The following EYA1 variants were observed in gnomAD, a reference collection of about 807,000 sequenced individuals.
EYA1 encodes EYA transcriptional coactivator and phosphatase 1, also known as protein phosphatase EYA1.
In EYA1, 16 loss-of-function variants were observed where a neutral mutation model predicts 82.0. That is an observed-to-expected ratio of 0.20 (90% CI 0.13 to 0.30). EYA1 has a LOEUF of 0.30. Ranked by LOEUF, EYA1 falls within the 10% of genes least tolerant of loss-of-function variation. EYA1 has a pLI of 1.00. For synonymous variants in EYA1, 261 were observed against 264.4 expected (o/e 0.99, Z 0.12); for missense variants, 633 against 730.7 (o/e 0.87, Z 1.54).
chr8:71,296,273 C>T (rs770948015), intron 9 of EYA1, among the ~76,000 whole-genome samples: 5 of 151,928 alleles, frequency 3.3e-5, no homozygotes, highest in Non-Finnish European at 7.4e-5. Flanking sequence ...AATTTTTGAA[C>T]TCAAAATTCA....
chr8:71,268,996 A>G lies in EYA1; in HGVS notation c.1050+744T>C, dbSNP rs372316250. On this transcript the variant is annotated intron_variant, in intron 11 of 17. Transcript: ENST00000340726. ...TTCTTTACAGATGAAAACAAGAGAA[A>G]TGAAATATTAGCAGGATAACTTGAG... is the stretch of plus-strand genomic sequence containing the variant. Among the ~76,000 whole-genome samples the G allele has an allele frequency of 1.1e-4, 17 of 152,332 alleles. No homozygotes were observed. In the East Asian group the frequency reaches 2.3e-3, roughly 21 times the overall value.
intron 9 of EYA1, among the ~76,000 whole-genome samples, chr8:71,279,874 C>A (rs960273127): frequency 6.6e-6 from 1 of 152,112 alleles, no homozygotes; most frequent in Non-Finnish European, 1.5e-5. Context: ...AGTTCCTATA[C>A]CCTAGAGCAA....
In EYA1 at chr8:71,326,437, T is replaced by TTGTGG. The variant is rs1245240012; in HGVS notation, c.203-4170_203-4169insCCACA. ...CTTCTCATTTATCACTCTGTTCCAG[T>TTGTGG]CACCAATGTTGTGGCAAACAGAAGA... On this transcript the variant is annotated intron_variant, in intron 4 of 17. Coordinates refer to ENST00000340726, the MANE Select transcript of EYA1 (RefSeq NM_000503.6). Among the ~76,000 whole-genome samples the TTGTGG allele has an allele frequency of 5.5e-3, 830 of 152,234 alleles. 9 individuals carry two copies. Among genetic ancestry groups the TTGTGG allele is most frequent in the African/African-American group, 0.017 (723 of 41,530 alleles).
intron 1 of EYA1, among the ~76,000 whole-genome samples, chr8:71,542,300 C>T (rs1293406567): frequency 2.0e-5 from 3 of 152,092 alleles, no homozygotes; most frequent in Non-Finnish European, 4.4e-5. Context: ...CACCCACTTA[C>T]AAGTGAGAAC....
intron 11 of EYA1, among the ~76,000 whole-genome samples, chr8:71,259,517 C>T (rs1057247473): frequency 1.3e-5 from 2 of 152,158 alleles, no homozygotes; most frequent in Non-Finnish European, 2.9e-5. Flanking sequence ...TAGAGTTATG[C>T]GTTGAACTAA....
At chr8:71,536,792 T>C (rs1473630196) in intron 1 of EYA1, among the ~76,000 whole-genome samples, 1 of 152,210 alleles carries the variant, frequency 6.6e-6, no homozygotes, top group Non-Finnish European at 1.5e-5. Context: ...AGTACTTGAA[T>C]TTCTACATGC....
intron 9 of EYA1, among the ~76,000 whole-genome samples, chr8:71,274,379 C>T (rs751456451): frequency 1.2e-4 from 19 of 152,178 alleles, no homozygotes; most frequent in Non-Finnish European, 2.2e-4. Context: ...CCTTCCTCCT[C>T]CTAGTGCAAA....
chr8:71,458,384 T>C (rs1208791665), intron 2 of EYA1, among the ~76,000 whole-genome samples: 2 of 152,168 alleles, frequency 1.3e-5, no homozygotes, highest in East Asian at 1.9e-4. Context: ...TGTGTGTATG[T>C]AGATTTTTTT....
chr8:71,318,155 C>T (rs1329328044), intron 6 of EYA1, among the ~76,000 whole-genome samples: 2 of 152,112 alleles, frequency 1.3e-5, no homozygotes, highest in Non-Finnish European at 2.9e-5. Context: ...ATTTTTCCCT[C>T]CTTTACTCTT....
At chr8:71,278,330 T>C (rs1467451329) in intron 9 of EYA1, among the ~76,000 whole-genome samples, 2 of 152,194 alleles carry the variant, frequency 1.3e-5, no homozygotes, top group African/African-American at 2.4e-5. Context: ...AAATTACCTA[T>C]GTGGTTTTAT....
At chr8:71,292,012 A>G (rs772970408) in intron 9 of EYA1, among the ~76,000 whole-genome samples, 1 of 152,156 alleles carries the variant, frequency 6.6e-6, no homozygotes, top group Non-Finnish European at 1.5e-5. Flanking sequence ...TGGATTATAG[A>G]TGATTGTTTA....
intron 12 of EYA1, chr8:71,225,418 A>G: frequency 2.5e-6 from 1 of 398,414 alleles, no homozygotes; most frequent in Non-Finnish European, 5.1e-6. Context: ...CCTGGCCTTC[A>G]CACCATGATG....
At chr8:71,326,550 C>A (rs554158552) in intron 4 of EYA1, among the ~76,000 whole-genome samples, 1 of 152,116 alleles carries the variant, frequency 6.6e-6, no homozygotes, top group South Asian at 2.1e-4. Flanking sequence ...CCATGCAGGG[C>A]GGGGGTGAGG....
intron 2 of EYA1, among the ~76,000 whole-genome samples, chr8:71,454,233 T>C (rs921365030): frequency 1.3e-5 from 2 of 152,180 alleles, no homozygotes; most frequent in Non-Finnish European, 2.9e-5. Flanking sequence ...ATGCTAAATA[T>C]ATATGCACTC....
intron 2 of EYA1, among the ~76,000 whole-genome samples, chr8:71,504,734 CA>C (rs1304491884): frequency 2.6e-5 from 4 of 152,122 alleles, no homozygotes; most frequent in African/African-American, 4.8e-5. Context: ...AAAAAAAAAT[CA>C]TCCTGTAATT....
rs188417775 is a variant in EYA1, at chr8:71,270,271, A to G, written c.967-448T>C. On this transcript the variant is annotated intron_variant, in intron 10 of 17. Coordinates refer to ENST00000340726, the MANE Select transcript of EYA1 (RefSeq NM_000503.6). ...ATGTTTTACTCTTAGGAAGCCAAGTATTAAAATTGCATCCAAAGACTAAAA... is the reference window on the plus strand; with the variant it reads ...ATGTTTTACTCTTAGGAAGCCAAGTGTTAAAATTGCATCCAAAGACTAAAA... 124 of 162,750 alleles carry G rather than the reference A, an allele frequency of 7.6e-4. No homozygotes were observed. In the East Asian group the frequency reaches 0.017, roughly 22 times the overall value. 10.1% of individuals were successfully genotyped at this position (162,750 alleles called of 1,614,324 possible).
At chr8:71,510,515 G>A (rs1264401741) in intron 2 of EYA1, among the ~76,000 whole-genome samples, 1 of 152,224 alleles carries the variant, frequency 6.6e-6, no homozygotes, top group Non-Finnish European at 1.5e-5. Flanking sequence ...AATCATGGCA[G>A]AAGGTACCTC....
At chr8:71,514,286 T>A (rs992723293) in intron 2 of EYA1, among the ~76,000 whole-genome samples, 1 of 152,122 alleles carries the variant, frequency 6.6e-6, no homozygotes, top group African/African-American at 2.4e-5. Flanking sequence ...CAGTTTCCTG[T>A]AGTTCAGGAA....
At chr8:71,523,490 A>G in intron 2 of EYA1, among the ~76,000 whole-genome samples, 1 of 152,110 alleles carries the variant, frequency 6.6e-6, no homozygotes, top group African/African-American at 2.4e-5. Flanking sequence ...AAATCTATTC[A>G]GCTCTTATTG....
Sources: gnomAD v4.1 joint callset for allele counts (sites outside exome capture counted in the v4.1 genomes callset) on GRCh38, gnomAD v4.1.1 for gene constraint, MANE v1.5 for transcripts, NCBI Gene and HGNC (gene_info 2026-07-23, HGNC 2026-07-21) for gene names.